SKAP1: variants seen among roughly 807,000 people sequenced by gnomAD.
The protein encoded by SKAP1 is src kinase associated phosphoprotein 1, also known as src kinase-associated phosphoprotein 1.
Under a neutral mutation model 58.5 loss-of-function variants are expected in SKAP1, and 44 were observed. The ratio of observed to expected loss-of-function variants is 0.75; its 90% confidence interval spans 0.59 to 0.97. SKAP1 has a LOEUF of 0.97. Among genes scored for constraint, SKAP1 ranks in the 50% least tolerant of loss-of-function variants. The pLI is 0.00. For missense variants in SKAP1, 390 were observed against 435.2 expected (o/e 0.90, Z 0.92); for synonymous variants, 127 against 149.7 (o/e 0.85, Z 1.11).
At chr17:48,406,400 AT>A (rs1010746393) in intron 1 of SKAP1, among the ~76,000 whole-genome samples, 55 of 150,734 alleles carry the variant, frequency 3.6e-4, no homozygotes, top group Admixed American at 1.7e-3. Context: ...AAAATTAGAA[AT>A]TTTTTTTTCT....
chr17:48,356,292 A>T (rs1341934358), intron 3 of SKAP1, among the ~76,000 whole-genome samples: 2 of 152,144 alleles, frequency 1.3e-5, no homozygotes, highest in Non-Finnish European at 2.9e-5. Flanking sequence ...AAATAGATAG[A>T]TAGATAGATG....
intron 8 of SKAP1, among the ~76,000 whole-genome samples, chr17:48,180,908 G>A (rs1306174780): frequency 1.3e-5 from 2 of 152,156 alleles, no homozygotes; most frequent in Non-Finnish European, 2.9e-5. Flanking sequence ...TGCATAGAAG[G>A]TGTTGAGCCA....
chr17:48,156,805 G>C (rs971458255), intron 11 of SKAP1, among the ~76,000 whole-genome samples: 1 of 152,170 alleles, frequency 6.6e-6, no homozygotes, highest in African/African-American at 2.4e-5. Context: ...AATGAAGTTT[G>C]AATAATCTGT....
intron 2 of SKAP1, among the ~76,000 whole-genome samples, chr17:48,369,059 A>T (rs1482280165): frequency 6.6e-6 from 1 of 152,134 alleles, no homozygotes; most frequent in Non-Finnish European, 1.5e-5. Context: ...AGGCAGGAGG[A>T]TCACTTGAAC....
rs746227109 is a variant in SKAP1, at chr17:48,137,389, T to C, written c.979-52A>G. 1.7e-5 allele frequency: 21 copies of C among 1,249,546 alleles called. No individual in the cohort carries two copies. The East Asian group carries it at 4.9e-4, about 29-fold the overall frequency. 77.4% of individuals were successfully genotyped at this position (1,249,546 alleles called of 1,614,324 possible). Reference sequence around the variant, plus strand: ...AGTTAGAATTTGTTCATGCTTCTGCTCATTTATTCTAGTGATTGCATGGGA... The same window carrying C: ...AGTTAGAATTTGTTCATGCTTCTGCCCATTTATTCTAGTGATTGCATGGGA... On this transcript the variant is annotated intron_variant, in intron 11 of 12. Transcript: ENST00000336915.
chr17:48,267,601 A>AT (rs1038006512), intron 4 of SKAP1, among the ~76,000 whole-genome samples: 6 of 152,136 alleles, frequency 3.9e-5, no homozygotes, highest in East Asian at 3.8e-4. Flanking sequence ...TTCTAAACCC[A>AT]TTTTTTTAAA....
At chr17:48,253,157 C>T (rs756240453) in intron 4 of SKAP1, among the ~76,000 whole-genome samples, 61 of 152,148 alleles carry the variant, frequency 4.0e-4, no homozygotes, top group Non-Finnish European at 7.6e-4. Context: ...GTCAATCTTT[C>T]TCTGGAGATT....
intron 1 of SKAP1, among the ~76,000 whole-genome samples, chr17:48,427,265 G>A (rs1180267754): frequency 2.0e-5 from 3 of 151,924 alleles, no homozygotes; most frequent in Non-Finnish European, 4.4e-5. Context: ...CATGCATTTT[G>A]CCTTTTAGTC....
At chr17:48,192,568 CTGAG>C (rs1283982635) in intron 4 of SKAP1, among the ~76,000 whole-genome samples, 1 of 152,084 alleles carries the variant, frequency 6.6e-6, no homozygotes, top group African/African-American at 2.4e-5. Context: ...TAAAAAATGC[CTGAG>C]TGAAACTTTT....
intron 4 of SKAP1, among the ~76,000 whole-genome samples, chr17:48,322,521 TGGG>T (rs1408653355): frequency 6.6e-6 from 1 of 152,212 alleles, no homozygotes; most frequent in African/African-American, 2.4e-5. Context: ...ATTGTTGCCA[TGGG>T]TAAGACATAA....
chr17:48,314,151 C>G (rs1170368409), intron 4 of SKAP1, among the ~76,000 whole-genome samples: 1 of 152,146 alleles, frequency 6.6e-6, no homozygotes, highest in African/African-American at 2.4e-5. Flanking sequence ...AGTTAAACAG[C>G]AAAGAGTAAA....
chr17:48,188,044 T>C, intron 5 of SKAP1, 118 bp from the exon 6 acceptor site: 1 of 717,858 alleles, frequency 1.4e-6, no homozygotes, highest in Non-Finnish European at 2.4e-6. Flanking sequence ...GTTAATGGAC[T>C]GTAAAACCCT....
At chr17:48,158,942 A>T (rs1337444416) in intron 11 of SKAP1, among the ~76,000 whole-genome samples, 2 of 149,878 alleles carry the variant, frequency 1.3e-5, no homozygotes, top group Non-Finnish European at 3.0e-5. Flanking sequence ...GCCTGGCAAC[A>T]GAGCGAGACG....
At chr17:48,404,800 C>A (rs916585608) in intron 1 of SKAP1, among the ~76,000 whole-genome samples, 13 of 151,854 alleles carry the variant, frequency 8.6e-5, no homozygotes, top group Non-Finnish European at 1.8e-4. Flanking sequence ...AATTTTTGTA[C>A]TGTATCAAAA....
At chr17:48,398,054 T>C (rs2067443872) in intron 1 of SKAP1, among the ~76,000 whole-genome samples, 1 of 151,080 alleles carries the variant, frequency 6.6e-6, no homozygotes. Flanking sequence ...GTATCATATA[T>C]ATCAGGAGTC....
rs138952716 is a variant in SKAP1 at position 48,259,974 on chromosome 17, A to G, written c.281-70474T>C. On this transcript the variant is annotated intron_variant, in intron 4 of 12. Transcript: ENST00000336915. ...GCTTCCTTAAAAACAAGTTAAAAAC[A>G]TACTAAAATAAATAATTTCCTGAAA... is the stretch of plus-strand genomic sequence containing the variant. Among the ~76,000 whole-genome samples the G allele has an allele frequency of 5.1e-3, 772 of 152,306 alleles. 3 individuals carry two copies. Among genetic ancestry groups the G allele is most frequent in the Non-Finnish European group, 8.0e-3 (544 of 68,018 alleles).
chr17:48,420,915 C>T (rs117046463), intron 1 of SKAP1, among the ~76,000 whole-genome samples: 5,530 of 152,290 alleles, frequency 0.036, 145 homozygotes, highest in Non-Finnish European at 0.056. Flanking sequence ...ACAACCAAAA[C>T]GTCTCCAGAT....
intron 4 of SKAP1, among the ~76,000 whole-genome samples, chr17:48,311,572 T>C (rs1473975660): frequency 6.6e-6 from 1 of 152,180 alleles, no homozygotes; most frequent in African/African-American, 2.4e-5. Context: ...AGGTCATTAA[T>C]ATCATGGCAG....
chr17:48,366,155 C>T (rs1215875386), intron 2 of SKAP1, among the ~76,000 whole-genome samples: 3 of 152,146 alleles, frequency 2.0e-5, no homozygotes, highest in Non-Finnish European at 4.4e-5. Flanking sequence ...GGAAGAGTAT[C>T]AGCCCAGTGA....
Sources: gnomAD v4.1 joint callset for allele counts (sites outside exome capture counted in the v4.1 genomes callset) on GRCh38, gnomAD v4.1.1 for gene constraint, MANE v1.5 for transcripts, NCBI Gene and HGNC (gene_info 2026-07-23, HGNC 2026-07-21) for gene names.